Variants in TMEM132B observed in about 807,000 individuals in gnomAD.
TMEM132B encodes transmembrane protein 132B.
In TMEM132B, 18 loss-of-function variants were observed where a neutral mutation model predicts 90.8. The ratio of observed to expected loss-of-function variants is 0.20; its 90% confidence interval spans 0.14 to 0.29. The LOEUF is 0.29. Ranked by LOEUF, TMEM132B falls within the 10% of genes least tolerant of loss-of-function variation. The pLI, the probability that TMEM132B is intolerant of heterozygous loss-of-function variation, is 1.00. For missense variants in TMEM132B, 1,096 were observed against 1,326.8 expected, an observed-to-expected ratio of 0.83 and a Z score of 2.70; for synonymous variants, 504 against 523.3, an observed-to-expected ratio of 0.96 and a Z score of 0.50.
chr12:125,638,958 C>T (rs1021447894), intron 5 of TMEM132B, among the ~76,000 whole-genome samples: 5 of 152,200 alleles, frequency 3.3e-5, no homozygotes, highest in Non-Finnish European at 7.4e-5. Context: ...CACACATGCT[C>T]ACAGATTAAC....
At chr12:125,570,953 T>C (rs1466649334) in intron 4 of TMEM132B, among the ~76,000 whole-genome samples, 1 of 152,168 alleles carries the variant, frequency 6.6e-6, no homozygotes, top group Non-Finnish European at 1.5e-5. Flanking sequence ...ACACTGGAAG[T>C]CACACGTGGT....
intron 2 of TMEM132B, among the ~76,000 whole-genome samples, chr12:125,358,147 G>C (rs567387584): frequency 2.7e-5 from 4 of 148,204 alleles, no homozygotes; most frequent in Admixed American, 6.6e-5. Flanking sequence ...CACTCTCTAT[G>C]GGGGGGAGAC....
chr12:125,630,535 T>G (rs1009081968), intron 5 of TMEM132B, among the ~76,000 whole-genome samples: 2 of 152,124 alleles, frequency 1.3e-5, no homozygotes, highest in Non-Finnish European at 1.5e-5. Flanking sequence ...TCTTTTTTTC[T>G]TAGTTATTCT....
At chr12:125,641,703 A>G (rs1160224965) in intron 5 of TMEM132B, among the ~76,000 whole-genome samples, 1 of 152,230 alleles carries the variant, frequency 6.6e-6, no homozygotes, top group African/African-American at 2.4e-5. Flanking sequence ...AGACAGTTAC[A>G]TTATTTCATT....
intron 5 of TMEM132B, among the ~76,000 whole-genome samples, chr12:125,594,478 A>G (rs1422205752): frequency 3.9e-5 from 6 of 152,206 alleles, no homozygotes; most frequent in Admixed American, 2.6e-4. Flanking sequence ...AAGTGGTTAC[A>G]CCATTTTACT....
rs59168219 is a variant in TMEM132B, at chr12:125,270,112, TTGTGTG to T, written c.68-79308_68-79303del. On this transcript the variant is annotated intron_variant, in intron 1 of 8. Coordinates refer to ENST00000682704, the MANE Select transcript of TMEM132B (RefSeq NM_001366854.1). ...GCTAATGCCACATCTCACATCTTTG[TTGTGTG>T]TGTGTGTGTGTGTGTGTGTGTGTGT... Among the ~76,000 whole-genome samples, 434 of 143,224 alleles carry T rather than the reference TTGTGTG, an allele frequency of 3.0e-3. 4 individuals are homozygous for T. The highest frequency in any genetic ancestry group is 9.5e-3 in the African/African-American group (363 of 38,080). The allele number at this position is 143,224 out of a possible 152,430, so 94.0% of individuals were successfully genotyped here. A position where few individuals can be genotyped will look rare whatever the true frequency, so the allele number is the denominator to read the frequency against.
rs975477347 is a variant in TMEM132B, at chr12:125,406,357, G to A, written c.960-9174G>A. Among the ~76,000 whole-genome samples, 3 of 152,220 alleles carry A rather than the reference G, an allele frequency of 2.0e-5. No individual in the cohort carries two copies. Among genetic ancestry groups the A allele is most frequent in the Admixed American group, 6.5e-5 (1 of 15,282 alleles). Reference sequence around the variant, plus strand: ...CACGAGGCATCTGTGTATTAGCAGTGCAAGGCGGAGGACAGTGCCTGGCTT... The same window carrying A: ...CACGAGGCATCTGTGTATTAGCAGTACAAGGCGGAGGACAGTGCCTGGCTT... On this transcript the variant is annotated intron_variant, in intron 2 of 8. Coordinates refer to ENST00000682704, the MANE Select transcript of TMEM132B (RefSeq NM_001366854.1). This position sits in a 1 kb window ranked among gnomAD's most constrained non-coding sequence, Gnocchi z 8.3.
intron 5 of TMEM132B, among the ~76,000 whole-genome samples, chr12:125,628,857 C>A (rs746300189): frequency 1.3e-5 from 2 of 152,004 alleles, no homozygotes; most frequent in Admixed American, 6.6e-5. Context: ...AGTTTCATTT[C>A]TCTACATATG....
At position 125,414,182 on chromosome 12, in the gene TMEM132B, T is replaced by C. The variant is rs547353225; in HGVS notation, c.960-1349T>C. Among the ~76,000 whole-genome samples, 166 of 152,354 alleles carry C rather than the reference T, an allele frequency of 1.1e-3. No homozygotes were observed. The Middle Eastern group carries it at 0.014, about 12-fold the overall frequency. ...AAGACCTTTGCTGAGTTTTTAATTATGTTATTTGCTTTTGTTGTTGATTTT... is the reference window on the plus strand; with the variant it reads ...AAGACCTTTGCTGAGTTTTTAATTACGTTATTTGCTTTTGTTGTTGATTTT... On this transcript the variant is annotated intron_variant, in intron 2 of 8. Transcript: ENST00000682704.
Position 125,298,873 on chromosome 12 carries a change from A to AAC in TMEM132B, c.68-50579_68-50578insAC, listed in dbSNP as rs1467598884. Reference sequence around the variant, plus strand: ...CTCAGCCTCCCGAGTAGCTGGGACTACAGGCGCCCGCCACCACGCACGGCT... The same window carrying AAC: ...CTCAGCCTCCCGAGTAGCTGGGACTAACCAGGCGCCCGCCACCACGCACGGCT... On this transcript the variant is annotated intron_variant, in intron 1 of 8. Transcript: ENST00000682704. Among the ~76,000 whole-genome samples the AAC allele has an allele frequency of 4.6e-5, 7 of 150,910 alleles. No homozygotes were observed. The East Asian group carries it at 1.4e-3, about 30-fold the overall frequency.
At chr12:125,611,705 T>G (rs1424191106) in intron 5 of TMEM132B, among the ~76,000 whole-genome samples, 1 of 152,126 alleles carries the variant, frequency 6.6e-6, no homozygotes, top group Non-Finnish European at 1.5e-5. Context: ...AAATATTTGT[T>G]AATTTCTCAA....
chr12:125,414,205 T>G (rs1323464352), intron 2 of TMEM132B, among the ~76,000 whole-genome samples: 1 of 152,234 alleles, frequency 6.6e-6, no homozygotes, highest in Non-Finnish European at 1.5e-5. Context: ...TGTTGTTGAT[T>G]TTGTAGGAAT....
chr12:125,536,742 A>G (rs1197702862), intron 4 of TMEM132B, among the ~76,000 whole-genome samples: 3 of 152,218 alleles, frequency 2.0e-5, no homozygotes, highest in Non-Finnish European at 2.9e-5. Context: ...TAGGGAGAAT[A>G]GTGGCCCTCC....
chr12:125,510,974 A>G (rs1219714374), intron 3 of TMEM132B, among the ~76,000 whole-genome samples: 1 of 152,220 alleles, frequency 6.6e-6, no homozygotes, highest in Non-Finnish European at 1.5e-5. Context: ...TAGTATATTC[A>G]GAAAGTCATG....
At chr12:125,314,245 C>T (rs747583331) in intron 1 of TMEM132B, among the ~76,000 whole-genome samples, 4 of 152,148 alleles carry the variant, frequency 2.6e-5, no homozygotes, top group East Asian at 1.9e-4. Flanking sequence ...TCTGTGTGGG[C>T]GTCTGGAAAC....
At chr12:125,475,475 G>A (rs976490701) in intron 3 of TMEM132B, among the ~76,000 whole-genome samples, 11 of 152,110 alleles carry the variant, frequency 7.2e-5, no homozygotes, top group African/African-American at 2.4e-4. Context: ...CAGTGGGTTG[G>A]CCAAGGCAGA....
chr12:125,589,983 C>T lies in TMEM132B; in HGVS notation c.1437+5989C>T, dbSNP rs550987782. Among the ~76,000 whole-genome samples the T allele has an allele frequency of 9.2e-5, 14 of 152,206 alleles. 1 individual carries two copies. The highest frequency in any genetic ancestry group is 1.9e-4 in the African/African-American group (8 of 41,550). ...GTGGGAGGTGTTTGGGTCATAGGTG[C>T]GGATCCCTCATGAATGGCTTAGTGC... On this transcript the variant is annotated intron_variant, in intron 5 of 8. Coordinates refer to ENST00000682704, the MANE Select transcript of TMEM132B (RefSeq NM_001366854.1).
Position 125,519,424 on chromosome 12 carries a change from G to A in TMEM132B, c.1107-15G>A. ...GAGGTTTTAAATGGAACCTTAATAT[G>A]TGTTTGTTTTCCAGGGTAAATGGAT... On this transcript the variant is annotated splice_polypyrimidine_tract_variant and intron_variant, in intron 3 of 8. Transcript: ENST00000682704. 2 of 1,593,234 alleles carry A rather than the reference G, an allele frequency of 1.3e-6. No individual in the cohort carries two copies. Among genetic ancestry groups the A allele is most frequent in the Non-Finnish European group, 8.6e-7 (1 of 1,168,142 alleles).
At chr12:125,424,962 C>G (rs1332687838) in intron 3 of TMEM132B, among the ~76,000 whole-genome samples, 1 of 151,998 alleles carries the variant, frequency 6.6e-6, no homozygotes, top group African/African-American at 2.4e-5. Context: ...AGCCACATAT[C>G]AGGGGTGGGA....
Sources: allele counts gnomAD v4.1 joint callset (sites outside exome capture counted in the v4.1 genomes callset), GRCh38; gene constraint gnomAD v4.1.1; non-coding constraint Gnocchi (gnomAD v3.1); transcripts MANE v1.5; gene names NCBI Gene and HGNC (gene_info 2026-07-23, HGNC 2026-07-21).